Variants in NKAIN2 observed in about 807,000 individuals in gnomAD.
NKAIN2 encodes sodium/potassium-transporting ATPase subunit beta-1-interacting protein 2.
Under a neutral mutation model 32.6 loss-of-function variants are expected in NKAIN2, and 14 were observed. The ratio of observed to expected loss-of-function variants is 0.43; its 90% confidence interval spans 0.28 to 0.67. NKAIN2 has a LOEUF of 0.67. NKAIN2 is among the 30% of genes least tolerant of loss of function. The pLI, the probability that NKAIN2 is intolerant of heterozygous loss-of-function variation, is 0.17. For missense variants in NKAIN2, 198 were observed against 258.3 expected, an observed-to-expected ratio of 0.77 and a Z score of 1.60; for synonymous variants, 80 against 87.2, an observed-to-expected ratio of 0.92 and a Z score of 0.46.
In NKAIN2 at chr6:123,820,396, G is replaced by A. The variant is rs186606035; in HGVS notation, c.54+16142G>A. ...TCTTTATGATGAAATTAAAAGGACA[G>A]AAGATAACTTTTAATTTTTGTTGGA... On this transcript the variant is annotated intron_variant, in intron 1 of 6. Transcript: ENST00000368417. 9.2e-5 allele frequency among the ~76,000 whole-genome samples: 14 copies of A among 152,344 alleles called. No homozygotes were observed. The East Asian group carries it at 2.7e-3, about 29-fold the overall frequency.
chr6:124,070,208 A>G (rs753915150), intron 1 of NKAIN2, among the ~76,000 whole-genome samples: 6 of 152,196 alleles, frequency 3.9e-5, no homozygotes, highest in Non-Finnish European at 7.4e-5. Context: ...TATTTATCTT[A>G]TAGACATTTT....
chr6:124,637,485 T>C (rs2114338269), intron 3 of NKAIN2, among the ~76,000 whole-genome samples: 1 of 152,178 alleles, frequency 6.6e-6, no homozygotes, highest in East Asian at 1.9e-4. Flanking sequence ...TTATTTTTTA[T>C]TTAGAAAATA....
At chr6:123,857,551 A>G (rs1775603488) in intron 1 of NKAIN2, among the ~76,000 whole-genome samples, 1 of 152,196 alleles carries the variant, frequency 6.6e-6, no homozygotes, top group Non-Finnish European at 1.5e-5. Flanking sequence ...GTGGAGAAAA[A>G]ATTATGTAAA....
intron 1 of NKAIN2, among the ~76,000 whole-genome samples, chr6:124,124,249 C>T (rs1786039404): frequency 1.3e-5 from 2 of 152,126 alleles, no homozygotes; most frequent in Admixed American, 1.3e-4. Context: ...GCACCTGCAA[C>T]TGTCTATCAC....
chr6:124,727,128 A>G (rs1776367779), intron 4 of NKAIN2, among the ~76,000 whole-genome samples: 1 of 152,108 alleles, frequency 6.6e-6, no homozygotes. Context: ...GTTGGAAAAC[A>G]TTCTGCAGGA....
chr6:124,153,851 C>G (rs1787851530), intron 1 of NKAIN2, among the ~76,000 whole-genome samples: 1 of 151,190 alleles, frequency 6.6e-6, no homozygotes, highest in East Asian at 1.9e-4. Context: ...AAACCTGCAA[C>G]ATAATGTTAC....
intron 3 of NKAIN2, among the ~76,000 whole-genome samples, chr6:124,360,820 A>T (rs1321223800): frequency 2.0e-5 from 3 of 152,152 alleles, no homozygotes; most frequent in Non-Finnish European, 4.4e-5. Flanking sequence ...TCCTGGGTTG[A>T]TATTTTCCTA....
chr6:124,003,562 G>A (rs964048726), intron 1 of NKAIN2, among the ~76,000 whole-genome samples: 1 of 152,138 alleles, frequency 6.6e-6, no homozygotes, highest in Non-Finnish European at 1.5e-5. Flanking sequence ...TTACCAACTG[G>A]ATGTTTTAAT....
At chr6:124,486,130 G>C (rs1342091278) in intron 3 of NKAIN2, among the ~76,000 whole-genome samples, 4 of 152,164 alleles carry the variant, frequency 2.6e-5, no homozygotes, top group African/African-American at 9.7e-5. Context: ...TAATACGAGA[G>C]TATAGCTTCA....
intron 3 of NKAIN2, among the ~76,000 whole-genome samples, chr6:124,599,580 C>G (rs1562277544): frequency 6.6e-6 from 1 of 152,120 alleles, no homozygotes; most frequent in African/African-American, 2.4e-5. Flanking sequence ...CCCTTCAAAA[C>G]TGAGCATCTC....
intron 1 of NKAIN2, among the ~76,000 whole-genome samples, chr6:124,167,566 G>A (rs1353572967): frequency 6.6e-6 from 1 of 152,146 alleles, no homozygotes; most frequent in Non-Finnish European, 1.5e-5. Context: ...TTGAATAGGA[G>A]TGGCGAGAGA....
At chr6:124,596,915 G>A (rs994311097) in intron 3 of NKAIN2, among the ~76,000 whole-genome samples, 1 of 152,022 alleles carries the variant, frequency 6.6e-6, no homozygotes, top group African/African-American at 2.4e-5. Flanking sequence ...AGAGCTGATG[G>A]TATAAATTCC....
At chr6:124,725,504 G>T (rs1011862465) in intron 4 of NKAIN2, among the ~76,000 whole-genome samples, 3 of 152,152 alleles carry the variant, frequency 2.0e-5, no homozygotes, top group Non-Finnish European at 4.4e-5. Flanking sequence ...TTTAGAGAAA[G>T]AATCTTTAGT....
intron 1 of NKAIN2, among the ~76,000 whole-genome samples, chr6:123,854,878 T>C (rs1207409512): frequency 1.3e-5 from 2 of 152,178 alleles, no homozygotes; most frequent in Non-Finnish European, 2.9e-5. Context: ...TAAAGGAACT[T>C]TGGTCTTCTG....
chr6:124,370,915 G>A (rs73578759), intron 3 of NKAIN2, among the ~76,000 whole-genome samples: 1,705 of 152,186 alleles, frequency 0.011, 32 homozygotes, highest in African/African-American at 0.039. Flanking sequence ...ATGGACTCGA[G>A]ATTTTGCACT....
At chr6:124,037,285 C>T (rs1036207675) in intron 1 of NKAIN2, among the ~76,000 whole-genome samples, 1 of 152,096 alleles carries the variant, frequency 6.6e-6, no homozygotes, top group African/African-American at 2.4e-5. Context: ...TACTGTGTTA[C>T]TACCTAAAGA....
intron 1 of NKAIN2, among the ~76,000 whole-genome samples, chr6:124,109,881 T>G (rs1217192183): frequency 1.3e-5 from 2 of 152,134 alleles, no homozygotes; most frequent in African/African-American, 4.8e-5. Context: ...TCCTTTATTC[T>G]GTTGATTTGC....
At chr6:124,424,348 C>A (rs1214608065) in intron 3 of NKAIN2, among the ~76,000 whole-genome samples, 1 of 152,056 alleles carries the variant, frequency 6.6e-6, no homozygotes, top group Admixed American at 6.6e-5. Context: ...CCAATAAAAC[C>A]AATTAACATA....
intron 3 of NKAIN2, among the ~76,000 whole-genome samples, chr6:124,425,420 C>G (rs879926539): frequency 1.3e-5 from 2 of 151,804 alleles, no homozygotes; most frequent in Admixed American, 6.6e-5. Context: ...AGTGACCAAA[C>G]AAAAGCAACA....
Sources: gnomAD v4.1 joint callset for allele counts (sites outside exome capture counted in the v4.1 genomes callset) on GRCh38, gnomAD v4.1.1 for gene constraint, MANE v1.5 for transcripts, NCBI Gene and HGNC (gene_info 2026-07-23, HGNC 2026-07-21) for gene names.